Variants in ATP8B4 observed in about 807,000 individuals in gnomAD.
ATP8B4 encodes the protein probable phospholipid-transporting ATPase IM.
ATP8B4 carries 133 observed loss-of-function variants against 145.6 expected under a neutral mutation model. The observed-to-expected ratio is 0.91, with a 90% CI of 0.79 to 1.05. The LOEUF (loss-of-function observed/expected upper bound fraction) is 1.05. Ranked by LOEUF, ATP8B4 falls within the 50% of genes least tolerant of loss-of-function variation. The pLI, the probability that ATP8B4 is intolerant of heterozygous loss-of-function variation, is 0.00. For missense variants in ATP8B4, 1,458 were observed against 1,425.2 expected, an observed-to-expected ratio of 1.02 and a Z score of -0.37; for synonymous variants, 507 against 492.9, an observed-to-expected ratio of 1.03 and a Z score of -0.38.
intron 1 of ATP8B4, among the ~76,000 whole-genome samples, chr15:50,172,037 A>C (rs1259046834): frequency 6.6e-6 from 1 of 152,222 alleles, no homozygotes; most frequent in Non-Finnish European, 1.5e-5. Flanking sequence ...TACACTGAAC[A>C]GTGAGATTGA....
At chr15:50,052,120 T>C (rs2052234333) in intron 3 of ATP8B4, among the ~76,000 whole-genome samples, 1 of 152,224 alleles carries the variant, frequency 6.6e-6, no homozygotes, top group Admixed American at 6.5e-5. Context: ...AGCATATGAG[T>C]ACTGCATTGG....
chr15:50,062,542 C>T (rs1204959196), intron 3 of ATP8B4, among the ~76,000 whole-genome samples: 1 of 151,956 alleles, frequency 6.6e-6, no homozygotes, highest in Non-Finnish European at 1.5e-5. Context: ...GGCTGATAAA[C>T]CCAATTGGAA....
At chr15:50,054,245 G>T (rs1336736907) in intron 3 of ATP8B4, among the ~76,000 whole-genome samples, 1 of 152,054 alleles carries the variant, frequency 6.6e-6, no homozygotes, top group Non-Finnish European at 1.5e-5. Context: ...ACTCATAACG[G>T]AGCACCCACC....
intron 2 of ATP8B4, among the ~76,000 whole-genome samples, chr15:50,080,641 T>C (rs7179392): frequency 0.66 from 99,964 of 151,666 alleles, 33,416 homozygotes; most frequent in African/African-American, 0.78. Context: ...CTATGTTGCT[T>C]AGGCTGGTCC....
At chr15:50,171,292 ACCATGTGATATG>A (rs1160527137) in intron 1 of ATP8B4, among the ~76,000 whole-genome samples, 1 of 152,246 alleles carries the variant, frequency 6.6e-6, no homozygotes, top group Non-Finnish European at 1.5e-5. Context: ...TCCAAGATAG[ACCATGTGATATG>A]CCATAAAACA....
intron 3 of ATP8B4, among the ~76,000 whole-genome samples, chr15:50,049,298 C>A (rs2051984016): frequency 6.6e-6 from 1 of 152,174 alleles, no homozygotes; most frequent in Admixed American, 6.5e-5. Context: ...TTACCCCACC[C>A]TTTCACTCTC....
chr15:50,024,203 C>CTT, intron 6 of ATP8B4, among the ~76,000 whole-genome samples: 1 of 152,252 alleles, frequency 6.6e-6, no homozygotes, highest in South Asian at 2.1e-4. Context: ...CTGGATTTGT[C>CTT]CACCCTGGAC....
At chr15:49,870,175 A>G (rs1403390457) in intron 25 of ATP8B4, among the ~76,000 whole-genome samples, 1 of 152,240 alleles carries the variant, frequency 6.6e-6, no homozygotes, top group Non-Finnish European at 1.5e-5. Flanking sequence ...TATTAAAACA[A>G]TTAAGATAGA....
At chr15:50,141,617 T>A (rs887354394) in intron 1 of ATP8B4, among the ~76,000 whole-genome samples, 1 of 152,138 alleles carries the variant, frequency 6.6e-6, no homozygotes, top group South Asian at 2.1e-4. Flanking sequence ...AAACAGGTGA[T>A]TTATACACAC....
intron 6 of ATP8B4, among the ~76,000 whole-genome samples, chr15:50,035,771 A>G (rs1348896325): frequency 6.6e-6 from 1 of 152,188 alleles, no homozygotes; most frequent in Non-Finnish European, 1.5e-5. Context: ...CCTGACTGCT[A>G]CTTTTCATCC....
intron 13 of ATP8B4, among the ~76,000 whole-genome samples, chr15:49,965,127 T>C (rs2044411081): frequency 6.6e-6 from 1 of 152,202 alleles, no homozygotes; most frequent in Non-Finnish European, 1.5e-5. Flanking sequence ...AAGTCCAGGT[T>C]GGAAATCATC....
At chr15:49,896,846 C>T (rs2153427947) in intron 23 of ATP8B4, 1 of 153,322 alleles carries the variant, frequency 6.5e-6, no homozygotes, top group South Asian at 2.1e-4. Context: ...TGATGAATTG[C>T]TGTCTAAACA....
chr15:49,899,243 C>T (rs955693112), intron 21 of ATP8B4, among the ~76,000 whole-genome samples: 7 of 152,132 alleles, frequency 4.6e-5, no homozygotes, highest in African/African-American at 9.7e-5. Flanking sequence ...ATCACTCTCT[C>T]CAGGAAGTCT....
intron 6 of ATP8B4, among the ~76,000 whole-genome samples, chr15:50,036,685 C>G (rs747440178): frequency 1.3e-5 from 2 of 152,180 alleles, no homozygotes; most frequent in Non-Finnish European, 2.9e-5. Context: ...CTTGTTACAG[C>G]ATAGTTTGAA....
chr15:49,976,952 G>C (rs1451282820), intron 12 of ATP8B4, among the ~76,000 whole-genome samples: 1 of 152,070 alleles, frequency 6.6e-6, no homozygotes, highest in East Asian at 1.9e-4. Context: ...TATTGCTTTG[G>C]AAAGAACACT....
chr15:50,023,885 G>A (rs1214035577), intron 6 of ATP8B4, among the ~76,000 whole-genome samples: 1 of 151,686 alleles, frequency 6.6e-6, no homozygotes, highest in Non-Finnish European at 1.5e-5. Flanking sequence ...TAGGACATAT[G>A]CTGAAAAATA....
At chr15:49,958,357 G>C (rs374195915) in intron 14 of ATP8B4, among the ~76,000 whole-genome samples, 1 of 151,494 alleles carries the variant, frequency 6.6e-6, no homozygotes, top group African/African-American at 2.4e-5. Context: ...AAGCATCCAA[G>C]TATGAAGTAG....
chr15:50,098,438 C>A (rs1334296138), intron 2 of ATP8B4, among the ~76,000 whole-genome samples: 1 of 151,454 alleles, frequency 6.6e-6, no homozygotes, highest in Non-Finnish European at 1.5e-5. Context: ...AACCATGCCA[C>A]CATGCCCAGC....
upstream of ATP8B4, among the ~76,000 whole-genome samples, chr15:50,123,507 G>T (rs1204843744): frequency 6.6e-6 from 1 of 152,120 alleles, no homozygotes; most frequent in Non-Finnish European, 1.5e-5. Context: ...ACAGAAGACA[G>T]CAAGGAAAAC....
Sources: gnomAD v4.1 joint callset for allele counts (sites outside exome capture counted in the v4.1 genomes callset) on GRCh38, gnomAD v4.1.1 for gene constraint, MANE v1.5 for transcripts, NCBI Gene and HGNC (gene_info 2026-07-23, HGNC 2026-07-21) for gene names.